The following HELZ variants were observed in gnomAD, a reference collection of about 807,000 sequenced individuals.
The protein encoded by HELZ is ATP-dependent RNA helicase with zinc finger domain.
HELZ carries 23 observed loss-of-function variants against 218.2 expected under a neutral mutation model. That is an observed-to-expected ratio of 0.11 (90% CI 0.08 to 0.15). The LOEUF is 0.15. Among genes scored for constraint, HELZ ranks in the 10% least tolerant of loss-of-function variants. The probability of loss-of-function intolerance (pLI) is 1.00; values close to 1 mark genes in which losing one functional copy is unlikely to be tolerated. For synonymous variants in HELZ, 814 were observed against 829.4 expected (o/e 0.98, Z 0.32); for missense variants, 1,813 against 2,353.7 (o/e 0.77, Z 4.75).
At chr17:67,172,325 T>G (rs1209551888) in intron 13 of HELZ, among the ~76,000 whole-genome samples, 4 of 152,184 alleles carry the variant, frequency 2.6e-5, no homozygotes, top group African/African-American at 9.6e-5. Flanking sequence ...ATTATAACCC[T>G]GTATTTATGA....
chr17:67,122,978 G>A lies in HELZ; in HGVS notation c.3622C>T (p.Pro1208Ser). The A allele has an allele frequency of 1.2e-6, 2 of 1,606,136 alleles. No homozygotes were observed. The highest frequency in any genetic ancestry group is 1.7e-6 in the Non-Finnish European group (2 of 1,173,320). Residue 1208 changes from proline to serine, a missense_variant, in exon 26 of 33, where the codon CCT (proline) becomes TCT (serine). Physicochemically the swap from Pro to Ser is moderately conservative, Grantham distance 74. Around this residue, in one of 4 missense-constraint regions of HELZ, gnomAD observed 938 missense variants for 1,027.5 expected, o/e 0.91. Coordinates refer to ENST00000358691, the MANE Select transcript of HELZ (RefSeq NM_014877.4). Reference sequence around the variant, plus strand: ...TTCGAATGTCCACTTACAGGTAAAGGCACCGACATAACTACATTCCCTCCA... The same window carrying A: ...TTCGAATGTCCACTTACAGGTAAAGACACCGACATAACTACATTCCCTCCA... ...VYGGNVVMSV[P>S]LPVPWTGYQG...
chr17:67,110,144 T>C (rs991946914), intron 28 of HELZ, among the ~76,000 whole-genome samples: 1 of 152,120 alleles, frequency 6.6e-6, no homozygotes, highest in African/African-American at 2.4e-5. Context: ...CTTGGCTCAC[T>C]GCAATTTCTG....
upstream of HELZ, chr17:67,245,672 C>A: frequency 8.3e-6 from 2 of 242,222 alleles, no homozygotes; most frequent in South Asian, 1.5e-4. Flanking sequence ...GCTCCGCACC[C>A]GCCGCCCGGA....
intron 3 of HELZ, among the ~76,000 whole-genome samples, chr17:67,232,562 T>G (rs1422417767): frequency 6.6e-6 from 1 of 152,234 alleles, no homozygotes; most frequent in Non-Finnish European, 1.5e-5. Context: ...TGCGGCAGCA[T>G]AGGAATTCTG....
rs1205480688 is a variant in HELZ, at chr17:67,119,565, A to AT, written c.3838+839dup. Among the ~76,000 whole-genome samples the AT allele has an allele frequency of 2.0e-5, 3 of 152,316 alleles. No individual in the cohort carries two copies. In the South Asian group the frequency reaches 6.2e-4, roughly 32 times the overall value. On this transcript the variant is annotated intron_variant, in intron 27 of 32. Coordinates refer to ENST00000358691, the MANE Select transcript of HELZ (RefSeq NM_014877.4). ...TTGGTGGAAGTTAACAACTCTGGATATTGTTAAAACTCATCAATGTACGTT... is the reference window on the plus strand; with the variant it reads ...TTGGTGGAAGTTAACAACTCTGGATATTTGTTAAAACTCATCAATGTACGTT...
intron 31 of HELZ, among the ~76,000 whole-genome samples, chr17:67,091,284 C>T (rs896148013): frequency 2.0e-5 from 3 of 151,916 alleles, no homozygotes; most frequent in Admixed American, 2.0e-4. Flanking sequence ...GGGAAAAAAG[C>T]CTCAATGGTC....
chr17:67,140,627 C>T (rs1055664869), intron 21 of HELZ, among the ~76,000 whole-genome samples: 1 of 151,970 alleles, frequency 6.6e-6, no homozygotes, highest in Non-Finnish European at 1.5e-5. Context: ...GATGGGAGAA[C>T]AGGAGGAGCG....
At chr17:67,213,874 C>T (rs1054717751) in intron 5 of HELZ, among the ~76,000 whole-genome samples, 18 of 152,192 alleles carry the variant, frequency 1.2e-4, no homozygotes, top group African/African-American at 3.4e-4. Context: ...TAATTTAGAA[C>T]AATATTCATG....
chr17:67,134,898 A>G (rs2038099584), intron 23 of HELZ, among the ~76,000 whole-genome samples: 2 of 152,188 alleles, frequency 1.3e-5, no homozygotes, highest in African/African-American at 4.8e-5. Context: ...AGGTACTAGC[A>G]CACTTATAAA....
chr17:67,136,196 T>G lies in HELZ; in HGVS notation c.2956A>C (p.Lys986Gln). 6.3e-7 allele frequency: 1 copy of G among 1,598,336 alleles called. No individual in the cohort carries two copies. The highest frequency in any genetic ancestry group is 1.3e-5 in the African/African-American group (1 of 74,168). ...NVERVLNVQG[K>Q]QFRVLFLSTV... is the part of the protein sequence containing the mutation. ...CTAAGAAACAAAACTCTGAATTGCTTTCCTACAAAGAAAATTTTTTAAGAA... is the reference window on the plus strand; with the variant it reads ...CTAAGAAACAAAACTCTGAATTGCTGTCCTACAAAGAAAATTTTTTAAGAA... The change falls in exon 23 of 33, where the codon AAG becomes CAG. Residue 986 changes from lysine to glutamine, a missense_variant and splice_region_variant. Physicochemically the swap from Lys to Gln is moderately conservative, Grantham distance 53 (BLOSUM62 1). Coordinates refer to ENST00000358691, the MANE Select transcript of HELZ (RefSeq NM_014877.4).
At position 67,149,954 on chromosome 17, in the gene HELZ, A is replaced by T. The variant is rs752481668; in HGVS notation, c.2388T>A (p.Ala796=). 5.6e-6 allele frequency: 9 copies of T among 1,610,780 alleles called. No individual in the cohort carries two copies. The highest frequency in any genetic ancestry group is 7.6e-6 in the Non-Finnish European group (9 of 1,178,126). ...GFFTHILLDE[A]AQAMECETIM... Reference sequence around the variant, plus strand: ...TGGTTTCACACTCCATGGCCTGGGCAGCTTCATCTAATAGAATGTGTGTAA... The same window carrying T: ...TGGTTTCACACTCCATGGCCTGGGCTGCTTCATCTAATAGAATGTGTGTAA... The change falls in exon 19 of 33, where the codon GCT becomes GCA. Residue 796 remains alanine (A), a synonymous_variant. Coordinates refer to ENST00000358691, the MANE Select transcript of HELZ (RefSeq NM_014877.4).
intron 31 of HELZ, among the ~76,000 whole-genome samples, chr17:67,089,980 T>C (rs1008102995): frequency 1.3e-5 from 2 of 152,066 alleles, no homozygotes; most frequent in African/African-American, 2.4e-5. Flanking sequence ...AACAAATGTC[T>C]TGCCTTATTC....
At chr17:67,087,467 C>A (rs549856798) in intron 31 of HELZ, among the ~76,000 whole-genome samples, 2 of 152,142 alleles carry the variant, frequency 1.3e-5, no homozygotes, top group Non-Finnish European at 2.9e-5. Context: ...GGAGCAAATC[C>A]GCTCAAAATT....
chr17:67,097,121 G>A (rs568124428), intron 31 of HELZ, among the ~76,000 whole-genome samples: 1 of 152,274 alleles, frequency 6.6e-6, no homozygotes, highest in African/African-American at 2.4e-5. Context: ...ACTAAGTGAT[G>A]GGGGAACAGC....
Position 67,109,437 on chromosome 17 carries a change from G to T in HELZ, c.4168C>A (p.Gln1390Lys), listed in dbSNP as rs2037210980. The change falls in exon 29 of 33, where the codon CAA becomes AAA. Residue 1390 changes from glutamine (Q) to lysine (K), a missense_variant. Gln to Lys is a moderately conservative substitution (Grantham distance 53). Around this residue, in one of 4 missense-constraint regions of HELZ, gnomAD observed 938 missense variants for 1,027.5 expected, o/e 0.91. Coordinates refer to ENST00000358691, the MANE Select transcript of HELZ (RefSeq NM_014877.4). ...LNQQQNNLPEQPNQIPPQPNQ... is the reference protein window; with the variant it reads ...LNQQQNNLPEKPNQIPPQPNQ... ...GGCTGAGGTGGTATCTGATTTGGTTGTTCAGGCAAATTATTCTGCTGCTGA... is the reference window on the plus strand; with the variant it reads ...GGCTGAGGTGGTATCTGATTTGGTTTTTCAGGCAAATTATTCTGCTGCTGA... The T allele has an allele frequency of 6.2e-7, 1 of 1,614,046 alleles. No homozygotes were observed. Among genetic ancestry groups the T allele is most frequent in the African/African-American group, 1.3e-5 (1 of 74,912 alleles).
intron 5 of HELZ, among the ~76,000 whole-genome samples, chr17:67,210,051 C>T (rs576548307): frequency 1.5e-4 from 23 of 152,262 alleles, no homozygotes; most frequent in African/African-American, 5.5e-4. Context: ...AACCCCATCT[C>T]TACAAAAAAT....
At chr17:67,192,357 G>T (rs2039920047) in intron 9 of HELZ, among the ~76,000 whole-genome samples, 1 of 151,986 alleles carries the variant, frequency 6.6e-6, no homozygotes, top group Non-Finnish European at 1.5e-5. Context: ...ATTTTCAAAT[G>T]GTTCACCGTA....
chr17:67,101,691 T>C (rs1190043672), intron 31 of HELZ, among the ~76,000 whole-genome samples: 3 of 152,206 alleles, frequency 2.0e-5, no homozygotes, highest in African/African-American at 7.2e-5. Context: ...TTCTGTTGTT[T>C]CTCTCTGCAT....
intron 12 of HELZ, among the ~76,000 whole-genome samples, chr17:67,182,969 A>G (rs770624968): frequency 1.3e-5 from 2 of 152,208 alleles, no homozygotes; most frequent in African/African-American, 2.4e-5. Flanking sequence ...TGTTCTAAGT[A>G]CCCAGCACAA....
Sources: gnomAD v4.1 joint callset for allele counts (sites outside exome capture counted in the v4.1 genomes callset) on GRCh38, gnomAD v4.1.1 for gene constraint, gnomAD v4.1.1 regional missense constraint, MANE v1.5 for transcripts, NCBI Gene and HGNC (gene_info 2026-07-23, HGNC 2026-07-21) for gene names.